SYCP1: variants seen among roughly 807,000 people sequenced by gnomAD.
SYCP1 encodes the protein cancer/testis antigen 8.
SYCP1 carries 64 observed loss-of-function variants against 153.1 expected under a neutral mutation model. The ratio of observed to expected loss-of-function variants is 0.42; its 90% CI spans 0.34 to 0.51. The LOEUF is 0.51. Among genes scored for constraint, SYCP1 ranks in the 20% least tolerant of loss-of-function variants. SYCP1 has a pLI of 0.06. For missense variants in SYCP1, 997 were observed against 1,049.0 expected, an observed-to-expected ratio of 0.95 and a Z score of 0.68; for synonymous variants, 384 against 341.8, an observed-to-expected ratio of 1.12 and a Z score of -1.36.
chr1:114,909,577 T>A (rs1367004369), intron 16 of SYCP1, among the ~76,000 whole-genome samples: 1 of 151,058 alleles, frequency 6.6e-6, no homozygotes, highest in African/African-American at 2.4e-5. Context: ...TTTATAGAAG[T>A]TTTCAGTGGG....
At chr1:114,857,168 A>T in intron 3 of SYCP1, 64 bp from the exon 4 acceptor site, 19 of 789,462 alleles carry the variant, frequency 2.4e-5, no homozygotes, top group Non-Finnish European at 3.2e-5. Flanking sequence ...GAGAAAAAAG[A>T]AAAAAAAAAA....
At chr1:114,976,432 G>A (rs372486295) in intron 27 of SYCP1, among the ~76,000 whole-genome samples, 31 of 151,848 alleles carry the variant, frequency 2.0e-4, no homozygotes, top group Non-Finnish European at 2.7e-4. Flanking sequence ...CTAAAGATAC[G>A]CATTCTTGTA....
At chr1:114,882,345 C>A (rs1018859300) in intron 12 of SYCP1, among the ~76,000 whole-genome samples, 2 of 152,110 alleles carry the variant, frequency 1.3e-5, no homozygotes, top group African/African-American at 2.4e-5. Flanking sequence ...TTTCTTTTTA[C>A]CTGTATTGTA....
chr1:114,933,391 C>T (rs764438433), intron 23 of SYCP1, among the ~76,000 whole-genome samples: 2 of 152,298 alleles, frequency 1.3e-5, no homozygotes, highest in East Asian at 3.9e-4. Flanking sequence ...AAAACCCTAT[C>T]TGTACGTCAC....
In SYCP1 at chr1:114,911,463, T is replaced by C. The variant is rs755830276; in HGVS notation, c.1426-16T>C. ...TCGAAAAACACTTGCCATAGTTATATATGTTTATTTTGCAGAAAGAAGTAC... is the reference window on the plus strand; with the variant it reads ...TCGAAAAACACTTGCCATAGTTATACATGTTTATTTTGCAGAAAGAAGTAC... On this transcript the variant is annotated splice_polypyrimidine_tract_variant and intron_variant, in intron 17 of 31. Transcript: ENST00000369522. 8 of 1,515,982 alleles carry C rather than the reference T, an allele frequency of 5.3e-6. No homozygotes were observed. Among genetic ancestry groups the C allele is most frequent in the Non-Finnish European group, 6.2e-6 (7 of 1,128,516 alleles). The allele number at this position is 1,515,982 out of a possible 1,614,324, so 93.9% of individuals were successfully genotyped here.
intron 23 of SYCP1, among the ~76,000 whole-genome samples, chr1:114,931,319 C>CTATCTACATGGAAATTTCCAAGGTTTCT (rs1669614322): frequency 1.3e-5 from 2 of 152,038 alleles, no homozygotes; most frequent in African/African-American, 4.8e-5. Context: ...AATGACATGA[C>CTATCTACATGGAAATTTCCAAGGTTTCT]TATCTACATG....
At chr1:114,881,056 T>TATAC (rs375436670) in intron 12 of SYCP1, among the ~76,000 whole-genome samples, 8,662 of 144,990 alleles carry the variant, frequency 0.06, 290 homozygotes, top group Middle Eastern at 0.083. Flanking sequence ...TTTGTGTATA[T>TATAC]ACACACACAC....
intron 12 of SYCP1, among the ~76,000 whole-genome samples, chr1:114,879,631 G>C (rs540203504): frequency 5.9e-4 from 90 of 152,234 alleles, no homozygotes; most frequent in Non-Finnish European, 5.9e-4. Flanking sequence ...CACATAATAT[G>C]AGTTCAATAG....
At position 114,859,729 on chromosome 1, in the gene SYCP1, GT is replaced by G; in HGVS notation, c.457-10del. On this transcript the variant is annotated splice_polypyrimidine_tract_variant and intron_variant, in intron 6 of 31. Transcript: ENST00000369522. The stretch of plus-strand genomic sequence containing the variant: ...TAAGCAAAATGGGATGAACTTTTCT[GT>G]TTTATAAATTAGTTTGGAAATGAAA... 1.0e-6 allele frequency: 1 copy of G among 985,000 alleles called. No homozygotes were observed. The highest frequency in any genetic ancestry group is 1.3e-6 in the Non-Finnish European group (1 of 744,558). 61.0% of individuals were successfully genotyped at this position (985,000 alleles called of 1,614,324 possible).
intron 23 of SYCP1, among the ~76,000 whole-genome samples, chr1:114,935,974 C>T (rs992503853): frequency 6.6e-6 from 1 of 152,138 alleles, no homozygotes; most frequent in East Asian, 1.9e-4. Context: ...ACCAGAGGTA[C>T]AAACAGAAGC....
At chr1:114,854,604 G>A (rs1663808556), upstream of SYCP1, among the ~76,000 whole-genome samples, 1 of 152,160 alleles carries the variant, frequency 6.6e-6, no homozygotes, top group African/African-American at 2.4e-5. Context: ...TTGCCCATCT[G>A]TTTCCTTCCT....
chr1:114,982,584 T>C (rs1024748146), intron 29 of SYCP1, among the ~76,000 whole-genome samples: 4 of 151,900 alleles, frequency 2.6e-5, no homozygotes, highest in Non-Finnish European at 4.4e-5. Flanking sequence ...TATTTCTTTT[T>C]ATTGATATTC....
intron 8 of SYCP1, among the ~76,000 whole-genome samples, chr1:114,873,802 G>C (rs1394070745): frequency 1.3e-5 from 2 of 152,110 alleles, no homozygotes; most frequent in African/African-American, 4.8e-5. Flanking sequence ...CTGTCGCCCA[G>C]CTCACTGCGA....
At chr1:114,921,493 A>G (rs773521611) in intron 20 of SYCP1, among the ~76,000 whole-genome samples, 1 of 152,052 alleles carries the variant, frequency 6.6e-6, no homozygotes, top group African/African-American at 2.4e-5. Context: ...AGCCAGGCCA[A>G]CATGGTGAAA....
chr1:114,902,358 G>A (rs959873706), intron 16 of SYCP1, among the ~76,000 whole-genome samples: 1 of 152,100 alleles, frequency 6.6e-6, no homozygotes, highest in Non-Finnish European at 1.5e-5. Context: ...ATATGTTGTA[G>A]GAAAAACCGG....
At chr1:114,956,491 A>G (rs1355515396) in intron 27 of SYCP1, among the ~76,000 whole-genome samples, 1 of 152,100 alleles carries the variant, frequency 6.6e-6, no homozygotes, top group Non-Finnish European at 1.5e-5. Flanking sequence ...CACCAAGATT[A>G]GGCTCTTCAG....
chr1:114,914,515 T>C (rs905878320), intron 20 of SYCP1, among the ~76,000 whole-genome samples: 10 of 152,254 alleles, frequency 6.6e-5, no homozygotes, highest in Admixed American at 6.5e-4. Context: ...TTGAAGGTCT[T>C]ACATCTCTCT....
At chr1:114,993,337 GT>G (rs1400461560) in intron 30 of SYCP1, among the ~76,000 whole-genome samples, 3 of 151,426 alleles carry the variant, frequency 2.0e-5, no homozygotes, top group Non-Finnish European at 4.4e-5. Flanking sequence ...AGCTTCTGAA[GT>G]TTTTGTTAAA....
intron 23 of SYCP1, among the ~76,000 whole-genome samples, chr1:114,928,439 A>G (rs1284965971): frequency 1.3e-5 from 2 of 152,178 alleles, no homozygotes; most frequent in Middle Eastern, 3.2e-3. Context: ...GTATGCAGCA[A>G]AAAGCTTTAT....
Sources: gnomAD v4.1 joint callset for allele counts (sites outside exome capture counted in the v4.1 genomes callset) on GRCh38, gnomAD v4.1.1 for gene constraint, MANE v1.5 for transcripts, NCBI Gene and HGNC (gene_info 2026-07-23, HGNC 2026-07-21) for gene names.